TYRO3: variants seen among roughly 807,000 people sequenced by gnomAD.
TYRO3 encodes the protein tyrosine-protein kinase receptor TYRO3.
Under a neutral mutation model 95.2 loss-of-function variants are expected in TYRO3, and 38 were observed. The observed-to-expected ratio is 0.40, with a 90% CI of 0.31 to 0.52. The LOEUF is 0.52. Ranked by LOEUF, TYRO3 falls within the 20% of genes least tolerant of loss-of-function variation. The pLI is 0.56. For missense variants in TYRO3, 812 were observed against 1,116.4 expected (o/e 0.73, Z 3.89); for synonymous variants, 367 against 432.9 (o/e 0.85, Z 1.89).
In TYRO3 at chr15:41,561,162, G is replaced by T. The variant is rs1342291893; in HGVS notation, c.160G>T (p.Val54Leu). 4.3e-6 allele frequency: 7 copies of T among 1,614,142 alleles called. No individual in the cohort carries two copies. The highest frequency in any genetic ancestry group is 5.9e-6 in the Non-Finnish European group (7 of 1,180,056). Reference protein sequence around the residue: ...KLMGAPVKLTVSQGQPVKLNC... With the variant: ...KLMGAPVKLTLSQGQPVKLNC... Reference sequence around the variant, plus strand: ...CATGGGAGCCCCGGTGAAGCTGACAGTGTCTCAGGGGCAGCCGGTGAAGCT... The same window carrying T: ...CATGGGAGCCCCGGTGAAGCTGACATTGTCTCAGGGGCAGCCGGTGAAGCT... Residue 54 changes from valine to leucine, a missense_variant, in exon 2 of 19, where the codon GTG becomes TTG. Transcript: ENST00000263798.
chr15:41,568,767 C>A, intron 8 of TYRO3, 111 bp from the exon 9 acceptor site: 1 of 1,305,050 alleles, frequency 7.7e-7, no homozygotes, highest in Non-Finnish European at 1.0e-6. Flanking sequence ...CCTGAACCCA[C>A]AGTGCCCCTA....
chr15:41,573,900 G>T, intron 18 of TYRO3, 85 bp downstream of exon 18: 1 of 1,294,816 alleles, frequency 7.7e-7, no homozygotes, highest in South Asian at 1.4e-5. Context: ...GCCTCAACTG[G>T]ACCTTTGTTT....
rs1566902054 is a variant in TYRO3 at position 41,570,709 on chromosome 15, G to T, written c.1579+10G>T. On this transcript the variant is annotated intron_variant, in intron 12 of 18. Transcript: ENST00000263798. The stretch of plus-strand genomic sequence containing the variant: ...CGGATGTTGGGCAAAGGTATGTGAG[G>T]CTGTGTGGGGATGGGCATGGCTGGT... 6.2e-7 allele frequency: 1 copy of T among 1,606,440 alleles called. No homozygotes were observed. The highest frequency in any genetic ancestry group is 1.1e-5 in the South Asian group (1 of 90,994).
chr15:41,579,055 C>T lies in TYRO3; in HGVS notation c.*779C>T, dbSNP rs1238209729. 1 of 152,548 alleles carries T rather than the reference C, an allele frequency of 6.6e-6. No homozygotes were observed. The highest frequency in any genetic ancestry group is 6.5e-5 in the Admixed American group (1 of 15,296). The allele number at this position is 152,548 out of a possible 1,614,324, so 9.4% of individuals were successfully genotyped here. ...CCATACCCACAATCTGAGCACGCTA[C>T]CAAATCTCAAAATATCCTAAGACTA... On this transcript the variant is annotated 3_prime_UTR_variant, in exon 19 of 19. Transcript: ENST00000263798.
intron 6 of TYRO3, among the ~76,000 whole-genome samples, chr15:41,565,568 C>T (rs1363436153): frequency 1.3e-5 from 2 of 149,070 alleles, no homozygotes; most frequent in East Asian, 4.1e-4. Context: ...TCATGCACCA[C>T]CACGCCCAGC....
chr15:41,563,760 C>T (rs186438128), intron 4 of TYRO3, among the ~76,000 whole-genome samples: 28 of 152,298 alleles, frequency 1.8e-4, no homozygotes, highest in African/African-American at 6.7e-4. Context: ...AGAACTACTG[C>T]AAGGCAGAGA....
At chr15:41,563,981 T>C (rs931565531) in intron 4 of TYRO3, among the ~76,000 whole-genome samples, 9 of 152,276 alleles carry the variant, frequency 5.9e-5, no homozygotes, top group African/African-American at 1.9e-4. Context: ...TTCTCCCATT[T>C]GAGAGATGAG....
Position 41,573,088 on chromosome 15 carries a change from A to T in TYRO3, c.1962A>T (p.Arg654=), listed in dbSNP as rs1321310277. 13 of 1,614,012 alleles carry T rather than the reference A, an allele frequency of 8.1e-6. No individual in the cohort carries two copies. The highest frequency in any genetic ancestry group is 1.3e-5 in the African/African-American group (1 of 74,932). The change falls in exon 16 of 19, where the codon CGA becomes CGT. Residue 654 remains arginine, a synonymous_variant. Coordinates refer to ENST00000263798, the MANE Select transcript of TYRO3 (RefSeq NM_006293.4). ...EYLSSRNFIH[R]DLAARNCMLA... is the part of the protein sequence containing the mutation. ...TGAGCTCTCGGAACTTCATCCACCG[A>T]GACCTGGCTGCTCGGAATTGCATGT...
At chr15:41,570,417 T>C in intron 11 of TYRO3, 77 bp downstream of exon 11, 1 of 1,389,966 alleles carries the variant, frequency 7.2e-7, no homozygotes, top group East Asian at 2.3e-5. Flanking sequence ...AAATTATTAA[T>C]TTGACTGATA....
Position 41,570,147 on chromosome 15 carries a change from C to T in TYRO3, c.1373C>T (p.Thr458Met), listed in dbSNP as rs146938698. The change falls in exon 10 of 19, where the codon ACG becomes ATG. Residue 458 changes from threonine (T) to methionine (M), a missense_variant. Coordinates refer to ENST00000263798, the MANE Select transcript of TYRO3 (RefSeq NM_006293.4). Reference protein sequence around the residue: ...LILLRKRRKETRFGQAFDSVM... With the variant: ...LILLRKRRKEMRFGQAFDSVM... ...CTGCTTCGAAAGAGACGGAAAGAGA[C>T]GCGGTTTGGGTAAGGGGATGGGGAT... The T allele has an allele frequency of 1.5e-5, 24 of 1,614,034 alleles. No homozygotes were observed. The highest frequency in any genetic ancestry group is 2.2e-5 in the East Asian group (1 of 44,886).
At chr15:41,570,396 A>G (rs938970668) in intron 11 of TYRO3, 56 bp downstream of exon 11, 5 of 1,429,572 alleles carry the variant, frequency 3.5e-6, no homozygotes, top group Non-Finnish European at 4.8e-6. Flanking sequence ...CCCCATCTGC[A>G]TTCTTTTACC....
At chr15:41,568,740 G>A in intron 8 of TYRO3, 138 bp from the exon 9 acceptor site, 1 of 993,438 alleles carries the variant, frequency 1.0e-6, no homozygotes, top group Non-Finnish European at 1.5e-6. Context: ...CTCCCAGAAG[G>A]TTGTGTTCCT....
At chr15:41,561,372 GGGGATTGGGAGCT>G in intron 2 of TYRO3, 62 bp downstream of exon 2, 2 of 1,586,382 alleles carry the variant, frequency 1.3e-6, no homozygotes, top group Non-Finnish European at 1.7e-6. Flanking sequence ...CTCTTTCCTT[GGGGATTGGGAGCT>G]GGGGCCCTCT....
At chr15:41,572,398 C>T (rs1244764188) in intron 14 of TYRO3, 45 bp from the exon 15 acceptor site, 2 of 1,601,280 alleles carry the variant, frequency 1.2e-6, no homozygotes, top group Admixed American at 3.4e-5. Flanking sequence ...CCTGAACTGC[C>T]CCTTGACCCT....
At chr15:41,563,956 A>G (rs1308665262) in intron 4 of TYRO3, among the ~76,000 whole-genome samples, 2 of 152,098 alleles carry the variant, frequency 1.3e-5, no homozygotes, top group Admixed American at 1.3e-4. Flanking sequence ...GACACACATT[A>G]CCTGATTCTC....
chr15:41,572,509 A>C lies in TYRO3; in HGVS notation c.1820A>C (p.Lys607Thr), dbSNP rs1262265062. Residue 607 changes from lysine (K) to threonine (T), a missense_variant, in exon 15 of 19, where the codon AAG becomes ACG. Transcript: ENST00000263798. ...CCCATGGTCATCTTGCCCTTCATGAAGCATGGGGACCTGCATGCCTTCCTG... is the reference window on the plus strand; with the variant it reads ...CCCATGGTCATCTTGCCCTTCATGACGCATGGGGACCTGCATGCCTTCCTG... The part of the protein sequence containing the change: ...PIPMVILPFM[K>T]HGDLHAFLLA... 1.2e-6 allele frequency: 2 copies of C among 1,614,192 alleles called. No individual in the cohort carries two copies. Among genetic ancestry groups the C allele is most frequent in the Non-Finnish European group, 1.7e-6 (2 of 1,180,042 alleles).
chr15:41,562,428 T>A, intron 3 of TYRO3, 120 bp from the exon 4 acceptor site: 1 of 944,496 alleles, frequency 1.1e-6, no homozygotes, highest in Non-Finnish European at 1.5e-6. Flanking sequence ...GTTGACCTAA[T>A]CATAAGGGGC....
intron 7 of TYRO3, 117 bp from the exon 8 acceptor site, chr15:41,568,100 C>A: frequency 7.2e-7 from 1 of 1,392,048 alleles, no homozygotes; most frequent in Middle Eastern, 2.7e-4. Flanking sequence ...GTGAACCCTT[C>A]CCCAGTTTGT....
Position 41,571,661 on chromosome 15 carries a change from A to T in TYRO3, c.1727A>T (p.Asp576Val). ...LREAACMKEFDHPHVAKLVGV... is the reference protein window; with the variant it reads ...LREAACMKEFVHPHVAKLVGV... ...GAAGCAGCTTGCATGAAGGAGTTTG[A>T]CCATCCACACGTGGCCAAACTTGTT... Residue 576 changes from aspartate to valine, a missense_variant, in exon 14 of 19, where the codon GAC becomes GTC. Physicochemically the swap from Asp to Val is radical, Grantham distance 152. Coordinates refer to ENST00000263798, the MANE Select transcript of TYRO3 (RefSeq NM_006293.4). 1 of 1,613,392 alleles carries T rather than the reference A, an allele frequency of 6.2e-7. No individual in the cohort carries two copies. The highest frequency in any genetic ancestry group is 8.5e-7 in the Non-Finnish European group (1 of 1,179,364).
Sources: allele counts gnomAD v4.1 joint callset (sites outside exome capture counted in the v4.1 genomes callset), GRCh38; gene constraint gnomAD v4.1.1; transcripts MANE v1.5; gene names NCBI Gene and HGNC (gene_info 2026-07-23, HGNC 2026-07-21).